The following CCDC171 variants were observed in gnomAD, a reference collection of about 807,000 sequenced individuals.
The protein encoded by CCDC171 is coiled-coil domain containing 171.
CCDC171 carries 177 observed loss-of-function variants against 168.2 expected under a neutral mutation model. The observed-to-expected ratio is 1.05, with a 90% CI of 0.93 to 1.19. The LOEUF (loss-of-function observed/expected upper bound fraction) is 1.19. Ranked by LOEUF, CCDC171 falls within the 50% of genes most tolerant of loss-of-function variation. The probability of loss-of-function intolerance (pLI) is 0.00; values close to 1 mark genes in which losing one functional copy is unlikely to be tolerated. For synonymous variants in CCDC171, 687 were observed against 540.8 expected (o/e 1.27, Z -3.75); for missense variants, 1,991 against 1,539.0 (o/e 1.29, Z -4.91).
At chr9:15,555,310 G>T (rs2038697923) in intron 1 of CCDC171, among the ~76,000 whole-genome samples, 1 of 152,128 alleles carries the variant, frequency 6.6e-6, no homozygotes, top group Non-Finnish European at 1.5e-5. Context: ...AACATAAAAA[G>T]CTAATTTGAA....
intron 11 of CCDC171, among the ~76,000 whole-genome samples, chr9:15,700,701 G>C (rs1043130077): frequency 6.6e-6 from 1 of 151,868 alleles, no homozygotes. Context: ...GCCCAGGCTA[G>C]TCTTAAACTC....
downstream of CCDC171, among the ~76,000 whole-genome samples, chr9:15,975,183 C>T (rs1831582599): frequency 6.6e-6 from 1 of 152,222 alleles, no homozygotes; most frequent in East Asian, 1.9e-4. Flanking sequence ...CACAACAAAC[C>T]TCTAGCATAG....
In CCDC171 at chr9:15,744,790, C is replaced by T; in HGVS notation, c.2554+13C>T. 1.2e-6 allele frequency: 2 copies of T among 1,601,012 alleles called. No homozygotes were observed. The highest frequency in any genetic ancestry group is 1.7e-6 in the Non-Finnish European group (2 of 1,174,004). On this transcript the variant is annotated intron_variant, in intron 17 of 25. Transcript: ENST00000380701. Reference sequence around the variant, plus strand: ...CATAAATTTCCAAGTAAGATAATTTCTGCTTTTAAAAATATAAGTTGCATG... The same window carrying T: ...CATAAATTTCCAAGTAAGATAATTTTTGCTTTTAAAAATATAAGTTGCATG...
chr9:16,028,176 G>T, intron 6 of CCDC171, among the ~76,000 whole-genome samples: 1 of 152,308 alleles, frequency 6.6e-6, no homozygotes, highest in East Asian at 1.9e-4. Context: ...GCGGCAATTA[G>T]TGTTGCAAAT....
chr9:16,071,091 G>A, the CCDC171 span, among the ~76,000 whole-genome samples: 186 of 152,272 alleles, frequency 1.2e-3, 1 homozygote, highest in South Asian at 9.3e-3. Flanking sequence ...CCCAGGAGCC[G>A]TCACAGTGAG....
At chr9:15,861,415 T>G (rs529424029) in intron 23 of CCDC171, among the ~76,000 whole-genome samples, 8 of 152,060 alleles carry the variant, frequency 5.3e-5, no homozygotes, top group African/African-American at 1.7e-4. Context: ...TTGGAATTCC[T>G]TAGTGCACAG....
chr9:15,785,889 AT>A (rs959028002), intron 21 of CCDC171, among the ~76,000 whole-genome samples: 83 of 147,150 alleles, frequency 5.6e-4, no homozygotes, highest in East Asian at 2.8e-3. Flanking sequence ...TATGATTTTG[AT>A]TTTTTTTTTT....
upstream of CCDC171, among the ~76,000 whole-genome samples, chr9:16,041,091 A>C (rs1230688153): frequency 6.6e-6 from 1 of 152,226 alleles, no homozygotes; most frequent in Non-Finnish European, 1.5e-5. Flanking sequence ...TGACAAGGAA[A>C]GATGTTTAAT....
intron 21 of CCDC171, among the ~76,000 whole-genome samples, chr9:15,822,980 A>G (rs2059855335): frequency 6.6e-6 from 1 of 152,194 alleles, no homozygotes. Flanking sequence ...TGTGGCACAT[A>G]TACACAATGG....
At chr9:15,600,485 GTTC>G (rs995515044) in intron 6 of CCDC171, among the ~76,000 whole-genome samples, 1 of 152,180 alleles carries the variant, frequency 6.6e-6, no homozygotes, top group African/African-American at 2.4e-5. Flanking sequence ...CTGCCTGATT[GTTC>G]TTCTGGAAGT....
At chr9:15,774,194 C>G (rs552914108) in intron 18 of CCDC171, among the ~76,000 whole-genome samples, 1 of 137,038 alleles carries the variant, frequency 7.3e-6, no homozygotes, top group East Asian at 2.2e-4. Flanking sequence ...TGCAGTGACC[C>G]GAGATCTCAT....
intron 8 of CCDC171, among the ~76,000 whole-genome samples, chr9:15,660,995 T>C (rs1015352753): frequency 2.0e-5 from 3 of 152,198 alleles, no homozygotes; most frequent in African/African-American, 7.2e-5. Flanking sequence ...ACATGCTGTT[T>C]TTTTGCCGGG....
chr9:15,630,779 C>G (rs964041674), intron 7 of CCDC171, among the ~76,000 whole-genome samples: 1 of 152,190 alleles, frequency 6.6e-6, no homozygotes, highest in Admixed American at 6.5e-5. Flanking sequence ...AAGTAAAGCT[C>G]TCCTCAGCAA....
chr9:15,792,915 C>G (rs1288363359), intron 21 of CCDC171, among the ~76,000 whole-genome samples: 4 of 152,080 alleles, frequency 2.6e-5, no homozygotes, highest in Non-Finnish European at 5.9e-5. Flanking sequence ...ACTGCATCAA[C>G]TAATGAGCAA....
intron 7 of CCDC171, 77 bp downstream of exon 7, chr9:15,623,490 C>CAT (rs1408904356): frequency 6.7e-5 from 44 of 656,792 alleles, no homozygotes; most frequent in Non-Finnish European, 9.4e-5. Context: ...CACACACACA[C>CAT]ACACACACAC....
At chr9:15,830,590 T>C (rs139553135) in intron 21 of CCDC171, among the ~76,000 whole-genome samples, 32 of 152,268 alleles carry the variant, frequency 2.1e-4, no homozygotes, top group African/African-American at 7.7e-4. Context: ...CAATCCGCTT[T>C]ACCATGTAGA....
At chr9:15,737,254 C>A (rs111614396) in intron 16 of CCDC171, among the ~76,000 whole-genome samples, 2 of 152,074 alleles carry the variant, frequency 1.3e-5, no homozygotes, top group East Asian at 1.9e-4. Flanking sequence ...AAGAGGTATA[C>A]TATATATTTT....
At chr9:15,958,210 T>TA (rs1829998887) in intron 25 of CCDC171, among the ~76,000 whole-genome samples, 1 of 152,066 alleles carries the variant, frequency 6.6e-6, no homozygotes, top group Admixed American at 6.6e-5. Flanking sequence ...AGGCCACTGG[T>TA]AATACAGAAA....
intron 3 of CCDC171, among the ~76,000 whole-genome samples, chr9:16,009,549 G>A (rs1490877041): frequency 6.6e-6 from 1 of 152,076 alleles, no homozygotes; most frequent in African/African-American, 2.4e-5. Context: ...TAAGCTTTTT[G>A]ATCATTTCCC....
Sources: gnomAD v4.1 joint callset for allele counts (sites outside exome capture counted in the v4.1 genomes callset) on GRCh38, gnomAD v4.1.1 for gene constraint, MANE v1.5 for transcripts, NCBI Gene and HGNC (gene_info 2026-07-23, HGNC 2026-07-21) for gene names.